DLGAP2: variants seen among roughly 807,000 people sequenced by gnomAD.
The protein encoded by DLGAP2 is disks large-associated protein 2.
DLGAP2 carries 26 observed loss-of-function variants against 100.3 expected under a neutral mutation model. The observed-to-expected ratio is 0.26, with a 90% CI of 0.19 to 0.36. DLGAP2 has a LOEUF of 0.36. Ranked by LOEUF, DLGAP2 falls within the 10% of genes least tolerant of loss-of-function variation. DLGAP2 has a pLI of 1.00. For missense variants in DLGAP2, 1,858 were observed against 1,453.2 expected (o/e 1.28, Z -4.53); for synonymous variants, 886 against 630.1 (o/e 1.41, Z -6.08).
intron 3 of DLGAP2, among the ~76,000 whole-genome samples, chr8:1,372,296 C>T (rs1802259572): frequency 6.6e-6 from 1 of 152,282 alleles, no homozygotes; most frequent in Non-Finnish European, 1.5e-5. Context: ...ACCGTGCTGC[C>T]AACGCTGGGA....
At chr8:1,520,635 C>G (rs1203146650) in intron 4 of DLGAP2, among the ~76,000 whole-genome samples, 1 of 152,156 alleles carries the variant, frequency 6.6e-6, no homozygotes, top group Non-Finnish European at 1.5e-5. Flanking sequence ...CTTTCGCTAC[C>G]TTTGTAGTTC....
intron 2 of DLGAP2, among the ~76,000 whole-genome samples, chr8:981,127 G>A (rs1016036226): frequency 3.9e-4 from 59 of 152,032 alleles, no homozygotes; most frequent in African/African-American, 1.3e-3. Flanking sequence ...CTGTCTCTCG[G>A]AATTCCCCTA....
intron 3 of DLGAP2, among the ~76,000 whole-genome samples, chr8:1,435,568 A>G (rs1290521820): frequency 6.6e-6 from 1 of 152,124 alleles, no homozygotes; most frequent in African/African-American, 2.4e-5. Context: ...TGGTGCTGAC[A>G]GACGACCATG....
intron 2 of DLGAP2, among the ~76,000 whole-genome samples, chr8:1,232,246 C>G (rs914767618): frequency 6.6e-6 from 1 of 152,222 alleles, no homozygotes; most frequent in African/African-American, 2.4e-5. Flanking sequence ...TGGCCCACAA[C>G]GCAAAAGGAC....
chr8:1,588,085 AT>A (rs1796179663), intron 6 of DLGAP2, among the ~76,000 whole-genome samples: 1 of 152,240 alleles, frequency 6.6e-6, no homozygotes, highest in Non-Finnish European at 1.5e-5. Flanking sequence ...CATTCGCACG[AT>A]GAAGAGTGTT....
At chr8:1,036,412 C>T (rs1332165390) in intron 2 of DLGAP2, among the ~76,000 whole-genome samples, 1 of 152,262 alleles carries the variant, frequency 6.6e-6, no homozygotes, top group African/African-American at 2.4e-5. Flanking sequence ...CTCAGCTCCT[C>T]AGGGCTGGAA....
intron 2 of DLGAP2, among the ~76,000 whole-genome samples, chr8:1,165,296 ACAGG>A (rs1446117315): frequency 6.6e-6 from 1 of 151,046 alleles, no homozygotes; most frequent in Non-Finnish European, 1.5e-5. Context: ...GGGGAGAGAG[ACAGG>A]GAGAGAGAGA....
In DLGAP2 at chr8:1,697,144, C is replaced by A; in HGVS notation, c.2797-3C>A. The A allele has an allele frequency of 6.4e-7, 1 of 1,568,902 alleles. No homozygotes were observed. The highest frequency in any genetic ancestry group is 1.8e-5 in the Admixed American group (1 of 55,096). ...GCTCTGAACACCCTGTGTGTGTCCC[C>A]AGGACCCCAGCGCCATGCCGAGGCC... On this transcript the variant is annotated splice_polypyrimidine_tract_variant and splice_region_variant and intron_variant, in intron 13 of 14. Coordinates refer to ENST00000637795, the MANE Select transcript of DLGAP2 (RefSeq NM_001346810.2).
chr8:780,627 A>C (rs6985968), intron 1 of DLGAP2, among the ~76,000 whole-genome samples: 21,816 of 152,186 alleles, frequency 0.14, 2,158 homozygotes, highest in East Asian at 0.53. Context: ...CCTCAGCCAC[A>C]TTTACCGTTG....
intron 2 of DLGAP2, among the ~76,000 whole-genome samples, chr8:1,173,505 G>T (rs574200088): frequency 1.3e-5 from 2 of 152,222 alleles, no homozygotes; most frequent in Non-Finnish European, 2.9e-5. Context: ...ACAGAGGCAG[G>T]CAGGCCTCCT....
At chr8:1,439,520 C>G (rs1480410109) in intron 3 of DLGAP2, among the ~76,000 whole-genome samples, 1 of 152,204 alleles carries the variant, frequency 6.6e-6, no homozygotes, top group Non-Finnish European at 1.5e-5. Context: ...CCCACAGTGG[C>G]TATGTTGCTG....
At chr8:1,255,505 G>A (rs530999802) in intron 2 of DLGAP2, among the ~76,000 whole-genome samples, 11 of 135,266 alleles carry the variant, frequency 8.1e-5, no homozygotes, top group Non-Finnish European at 1.1e-4. Context: ...TTGCCCGGGC[G>A]CTGTGTGTGT....
At chr8:1,468,990 G>T (rs937296953) in intron 3 of DLGAP2, among the ~76,000 whole-genome samples, 1 of 152,168 alleles carries the variant, frequency 6.6e-6, no homozygotes, top group Non-Finnish European at 1.5e-5. Context: ...TCTGAACTTG[G>T]GGCCACTGCA....
intron 2 of DLGAP2, among the ~76,000 whole-genome samples, chr8:1,008,214 A>T (rs561506732): frequency 2.0e-5 from 3 of 152,398 alleles, no homozygotes; most frequent in African/African-American, 4.8e-5. Context: ...GATAAATGTC[A>T]GTAGTTATTA....
intron 1 of DLGAP2, among the ~76,000 whole-genome samples, chr8:783,713 T>C (rs1821762188): frequency 6.6e-6 from 1 of 152,176 alleles, no homozygotes; most frequent in Non-Finnish European, 1.5e-5. Flanking sequence ...AAACTCACCC[T>C]TCCCCCTCTT....
At chr8:1,241,794 A>G (rs761210970) in intron 2 of DLGAP2, among the ~76,000 whole-genome samples, 2 of 152,238 alleles carry the variant, frequency 1.3e-5, no homozygotes, top group African/African-American at 2.4e-5. Context: ...GTCTTGTTTA[A>G]TTTTAAAGTT....
chr8:770,595 G>A (rs958371637), intron 1 of DLGAP2, among the ~76,000 whole-genome samples: 8 of 152,072 alleles, frequency 5.3e-5, no homozygotes, highest in African/African-American at 1.2e-4. Flanking sequence ...TGTGGGCTCC[G>A]AACAATTTCT....
intron 3 of DLGAP2, among the ~76,000 whole-genome samples, chr8:1,489,488 C>G (rs1023724659): frequency 1.3e-5 from 2 of 152,194 alleles, no homozygotes; most frequent in African/African-American, 4.8e-5. Context: ...TTACCACCAC[C>G]CTTTTCATTC....
chr8:1,104,213 C>T (rs1219107876), intron 2 of DLGAP2, among the ~76,000 whole-genome samples: 2 of 152,174 alleles, frequency 1.3e-5, no homozygotes, highest in Non-Finnish European at 2.9e-5. Flanking sequence ...ACGGTGGAGC[C>T]TCAGACAAGG....
Sources: allele counts gnomAD v4.1 joint callset (sites outside exome capture counted in the v4.1 genomes callset), GRCh38; gene constraint gnomAD v4.1.1; transcripts MANE v1.5; gene names NCBI Gene and HGNC (gene_info 2026-07-23, HGNC 2026-07-21).